The following STYK1 variants were observed in gnomAD, a reference collection of about 807,000 sequenced individuals.
STYK1 encodes STY kinase 1.
In STYK1, 46 loss-of-function variants were observed where a neutral mutation model predicts 48.1. The observed-to-expected ratio is 0.96, with a 90% confidence interval of 0.75 to 1.22. The LOEUF (loss-of-function observed/expected upper bound fraction) is 1.22. STYK1 is among the 50% of genes most tolerant of loss of function. The pLI, the probability that STYK1 is intolerant of heterozygous loss-of-function variation, is 0.00. For synonymous variants in STYK1, 188 were observed against 189.0 expected, an observed-to-expected ratio of 0.99 and a Z score of 0.04; for missense variants, 527 against 521.1, an observed-to-expected ratio of 1.01 and a Z score of -0.11.
rs996156176 is a variant in STYK1 at position 10,634,670 on chromosome 12, A to C, written c.-52T>G. On this transcript the variant is annotated 5_prime_UTR_variant, in exon 3 of 11. Transcript: ENST00000075503. ...TAGGCCCACAGAGAATGCACACAGCACAGCTGTGAGTAATTCCTAAGGATT... is the reference window on the plus strand; with the variant it reads ...TAGGCCCACAGAGAATGCACACAGCCCAGCTGTGAGTAATTCCTAAGGATT... 5 of 1,593,468 alleles carry C rather than the reference A, an allele frequency of 3.1e-6. No homozygotes were observed. The highest frequency in any genetic ancestry group is 1.7e-4 in the Middle Eastern group (1 of 6,028).
intron 1 of STYK1, among the ~76,000 whole-genome samples, chr12:10,654,090 C>G (rs1947691616): frequency 6.6e-6 from 1 of 152,198 alleles, no homozygotes; most frequent in Non-Finnish European, 1.5e-5. Flanking sequence ...TCATTATACA[C>G]TAATTATAAT....
intron 1 of STYK1, among the ~76,000 whole-genome samples, chr12:10,662,985 A>C (rs7957041): frequency 0.55 from 82,942 of 152,026 alleles, 23,326 homozygotes; most frequent in East Asian, 0.78. Context: ...TATATTCAGG[A>C]CTTTGGTTCA....
intron 1 of STYK1, among the ~76,000 whole-genome samples, chr12:10,665,832 A>G (rs1287910463): frequency 6.6e-6 from 1 of 152,194 alleles, no homozygotes; most frequent in Non-Finnish European, 1.5e-5. Context: ...ATCAGCCCCA[A>G]GGTAAGTTAA....
Position 10,670,943 on chromosome 12 carries a change from T to A in STYK1, c.-195+3023A>T, listed in dbSNP as rs1358320652. Among the ~76,000 whole-genome samples, 4 of 149,954 alleles carry A rather than the reference T, an allele frequency of 2.7e-5. No homozygotes were observed. The East Asian group carries it at 7.8e-4, about 29-fold the overall frequency. ...AGCTCAGGTACAGTAGGCAGAATAA[T>A]GGCTTCCCAAAGATGTCCATGTCCT... On this transcript the variant is annotated intron_variant, in intron 1 of 10. Coordinates refer to ENST00000075503, the MANE Select transcript of STYK1 (RefSeq NM_018423.3).
intron 9 of STYK1, 110 bp from the exon 10 acceptor site, chr12:10,622,082 G>GA: frequency 1.2e-6 from 1 of 843,166 alleles, no homozygotes; most frequent in Non-Finnish European, 1.9e-6. Context: ...ATAGCCATAG[G>GA]AAAAATACTA....
chr12:10,629,779 A>G (rs1196404652), intron 5 of STYK1, 105 bp from the exon 6 acceptor site: 26 of 1,282,534 alleles, frequency 2.0e-5, no homozygotes, highest in Non-Finnish European at 2.9e-5. Context: ...AAGGCCCCAC[A>G]TGGGAGTGAA....
chr12:10,641,503 C>T (rs188313088), intron 1 of STYK1, among the ~76,000 whole-genome samples: 1 of 152,278 alleles, frequency 6.6e-6, no homozygotes, highest in East Asian at 1.9e-4. Context: ...GAGGAGGGCC[C>T]AAGCTGAGGA....
At chr12:10,623,050 T>C (rs1352236762) in intron 8 of STYK1, among the ~76,000 whole-genome samples, 2 of 148,090 alleles carry the variant, frequency 1.4e-5, no homozygotes, top group Non-Finnish European at 2.9e-5. Flanking sequence ...CCCTCTCTGC[T>C]GAAATTCTTG....
At chr12:10,662,658 T>G (rs1353436708) in intron 1 of STYK1, among the ~76,000 whole-genome samples, 1 of 152,244 alleles carries the variant, frequency 6.6e-6, no homozygotes, top group Non-Finnish European at 1.5e-5. Context: ...CTTGTATATC[T>G]TCTTTGAAGA....
chr12:10,651,199 C>T (rs1444455869), intron 1 of STYK1, among the ~76,000 whole-genome samples: 1 of 152,148 alleles, frequency 6.6e-6, no homozygotes, highest in Non-Finnish European at 1.5e-5. Flanking sequence ...CTGCTCTAAA[C>T]TTGTATGCAT....
chr12:10,661,235 A>G (rs187602453), intron 1 of STYK1, among the ~76,000 whole-genome samples: 1 of 152,352 alleles, frequency 6.6e-6, no homozygotes, highest in East Asian at 1.9e-4. Context: ...TTTTATTTAC[A>G]TTAAACAACA....
At position 10,626,879 on chromosome 12, in the gene STYK1, C is replaced by T. The variant is rs1056577536; in HGVS notation, c.717+762G>A. Among the ~76,000 whole-genome samples the T allele has an allele frequency of 4.6e-5, 7 of 151,966 alleles. No individual in the cohort carries two copies. The East Asian group carries it at 5.8e-4, about 13-fold the overall frequency. ...AAAATTAGCCGGGCGTGGTGGTGGG[C>T]GCCTGTGGTCCCAGCTACTCGGGAG... On this transcript the variant is annotated intron_variant, in intron 7 of 10. Transcript: ENST00000075503.
At chr12:10,656,393 G>C (rs971413555) in intron 1 of STYK1, among the ~76,000 whole-genome samples, 9 of 152,162 alleles carry the variant, frequency 5.9e-5, no homozygotes, top group African/African-American at 2.2e-4. Context: ...TTGGGAGGCT[G>C]AGGCAGGTGG....
intron 1 of STYK1, among the ~76,000 whole-genome samples, chr12:10,638,220 C>T (rs984200156): frequency 1.3e-5 from 2 of 152,164 alleles, no homozygotes; most frequent in East Asian, 1.9e-4. Flanking sequence ...TTTACATAAT[C>T]CTATATCTAC....
chr12:10,622,767 C>A, intron 8 of STYK1, 89 bp from the exon 9 acceptor site: 1 of 1,492,578 alleles, frequency 6.7e-7, no homozygotes, highest in Non-Finnish European at 9.2e-7. Context: ...TTAATAAGAG[C>A]CCCATGAAAA....
At chr12:10,658,440 T>A (rs60745650) in intron 1 of STYK1, among the ~76,000 whole-genome samples, 4,413 of 152,284 alleles carry the variant, frequency 0.029, 220 homozygotes, top group African/African-American at 0.099. Flanking sequence ...TGGAAAGCTG[T>A]CTTCCCTCTA....
At chr12:10,643,752 A>T (rs1277293187) in intron 1 of STYK1, among the ~76,000 whole-genome samples, 1 of 152,230 alleles carries the variant, frequency 6.6e-6, no homozygotes, top group East Asian at 1.9e-4. Flanking sequence ...AGGAATATCC[A>T]GGCCTTGGAT....
rs775651419 is a variant in STYK1 at position 10,629,588 on chromosome 12, G to C, written c.538C>G (p.Leu180Val). 2 of 1,614,174 alleles carry C rather than the reference G, an allele frequency of 1.2e-6. No homozygotes were observed. Among genetic ancestry groups the C allele is most frequent in the Non-Finnish European group, 1.7e-6 (2 of 1,180,040 alleles). ...AGCTTTTCAGTGCAGCAGCCTTCCA[G>C]CTGCACCAGGTTTTTGTGTTTCCCC... is the stretch of plus-strand genomic sequence containing the variant. ...YLGKHKNLVQ[L>V]EGCCTEKLPL... The change falls in exon 6 of 11, where the codon CTG becomes GTG. Residue 180 changes from leucine to valine, a missense_variant. By Grantham distance (32) the Leu-to-Val change is conservative. Coordinates refer to ENST00000075503, the MANE Select transcript of STYK1 (RefSeq NM_018423.3).
In STYK1 at chr12:10,634,571, C is replaced by T; in HGVS notation, c.48G>A (p.Leu16=). The T allele has an allele frequency of 5.0e-6, 8 of 1,614,074 alleles. No homozygotes were observed. The highest frequency in any genetic ancestry group is 6.8e-6 in the Non-Finnish European group (8 of 1,179,990). The stretch of plus-strand genomic sequence containing the variant: ...ATCTGTGGAATCCGTACTTACCACA[C>T]AACTTGTCACTGAGACTGCATTCCA... ...MLLECSLSDK[L]CVIQEKQYEV... The change falls in exon 3 of 11, where the codon TTG becomes TTA. Residue 16 remains leucine (L), a synonymous_variant. Coordinates refer to ENST00000075503, the MANE Select transcript of STYK1 (RefSeq NM_018423.3).
Sources: allele counts gnomAD v4.1 joint callset (sites outside exome capture counted in the v4.1 genomes callset), GRCh38; gene constraint gnomAD v4.1.1; transcripts MANE v1.5; gene names NCBI Gene and HGNC (gene_info 2026-07-23, HGNC 2026-07-21).